Variants in SPDL1 observed in about 807,000 individuals in gnomAD.
SPDL1 encodes the protein protein Spindly.
Under a neutral mutation model 79.5 loss-of-function variants are expected in SPDL1, and 85 were observed. That is an observed-to-expected ratio of 1.07 (90% confidence interval 0.90 to 1.28). SPDL1 has a LOEUF of 1.28. SPDL1 is among the 50% of genes most tolerant of loss of function. The pLI, the probability that SPDL1 is intolerant of heterozygous loss-of-function variation, is 0.00. For synonymous variants in SPDL1, 269 were observed against 240.3 expected (o/e 1.12, Z -1.10); for missense variants, 703 against 697.8 (o/e 1.01, Z -0.08).
intron 11 of SPDL1, among the ~76,000 whole-genome samples, 178 bp from the exon 12 acceptor site, chr5:169,603,882 A>G (rs1756056942): frequency 6.6e-6 from 1 of 152,178 alleles, no homozygotes; most frequent in African/African-American, 2.4e-5. Context: ...AATTGAGCCT[A>G]TTGATATAAA....
intron 1 of SPDL1, among the ~76,000 whole-genome samples, chr5:169,585,069 A>G (rs981374048): frequency 3.3e-5 from 5 of 152,006 alleles, no homozygotes; most frequent in Admixed American, 3.3e-4. Flanking sequence ...TCTGTCACAC[A>G]TTAGTAGTTT....
intron 3 of SPDL1, 96 bp downstream of exon 3, chr5:169,591,320 G>A: frequency 1.6e-6 from 2 of 1,261,952 alleles, no homozygotes; most frequent in Non-Finnish European, 2.2e-6. Flanking sequence ...TGTCAGCTTT[G>A]CAAAATAGCC....
chr5:169,601,070 A>T (rs567119912), intron 10 of SPDL1, among the ~76,000 whole-genome samples: 2 of 152,348 alleles, frequency 1.3e-5, no homozygotes, highest in East Asian at 1.9e-4. Flanking sequence ...AAGGAAAAAT[A>T]TATAGCCAAA....
Position 169,588,558 on chromosome 5 carries a change from A to G in SPDL1, c.142A>G (p.Met48Val), listed in dbSNP as rs892398072. ...TCAATTGGATAAATGTCGTAATGAA[A>G]TGATGACCATGACTGAGGTAGGACT... Reference protein sequence around the residue: ...QNQLDKCRNEMMTMTESYEQE... With the variant: ...QNQLDKCRNEVMTMTESYEQE... Residue 48 changes from methionine (M) to valine (V), a missense_variant, in exon 2 of 12, where the codon ATG (methionine) becomes GTG (valine). Met to Val is a conservative substitution (Grantham distance 21, BLOSUM62 1). Coordinates refer to ENST00000265295, the MANE Select transcript of SPDL1 (RefSeq NM_017785.5). 7 of 1,612,638 alleles carry G rather than the reference A, an allele frequency of 4.3e-6. No homozygotes were observed. Among genetic ancestry groups the G allele is most frequent in the Non-Finnish European group, 5.9e-6 (7 of 1,179,388 alleles).
At position 169,588,476 on chromosome 5, in the gene SPDL1, A is replaced by G. The variant is rs1755100843; in HGVS notation, c.60A>G (p.Arg20=). Residue 20 remains arginine (R), a synonymous_variant, in exon 2 of 12, where the codon CGA becomes CGG. Coordinates refer to ENST00000265295, the MANE Select transcript of SPDL1 (RefSeq NM_017785.5). ...GGCTCAAAGAGGCTGAAGAAGAGCG[A>G]CTAAAAGCTGCACAGTATGGTTTAC... ...RCRLKEAEEE[R]LKAAQYGLQL... is the part of the protein sequence containing the mutation. 1.9e-6 allele frequency: 3 copies of G among 1,614,002 alleles called. No individual in the cohort carries two copies. The East Asian group carries it at 6.7e-5, about 36-fold the overall frequency.
At chr5:169,593,275 GGTTCAATCA>G (rs1386963677) in intron 3 of SPDL1, 70 bp from the exon 4 acceptor site, 21 of 1,260,744 alleles carry the variant, frequency 1.7e-5, no homozygotes, top group East Asian at 1.5e-4. Flanking sequence ...CAGTAAGTTT[GGTTCAATCA>G]GTTCAATCAG....
In SPDL1 at chr5:169,598,576, TAAAG is replaced by T. The variant is rs769380781; in HGVS notation, c.1134_1136+1del. ...TTACTTCAGATGAAGCTGGATAACT[TAAAG>T]TAAGTGTCTGGGTTGGTGGATGGAA... On this transcript the variant is annotated splice_donor_variant and coding_sequence_variant, in exon 9 of 12. Transcript: ENST00000265295. LOFTEE classifies it high-confidence loss of function. 3 of 1,603,214 alleles carry T rather than the reference TAAAG, an allele frequency of 1.9e-6. No individual in the cohort carries two copies. The highest frequency in any genetic ancestry group is 2.2e-5 in the South Asian group (2 of 90,838).
Position 169,591,141 on chromosome 5 carries a change from C to T in SPDL1, c.253C>T (p.Gln85Ter), listed in dbSNP as rs1370423170. The change falls in exon 3 of 12, where the codon CAA becomes TAA. Residue 85 changes from glutamine to a stop codon, truncating the protein, a stop_gained. Coordinates refer to ENST00000265295, the MANE Select transcript of SPDL1 (RefSeq NM_017785.5). LOFTEE classifies it high-confidence loss of function. Reference sequence around the variant, plus strand: ...GAGCTGCGAATGTGAAGCTATTAAACAACAACAAAAAATGCACCTGGAGAA... The same window carrying T: ...GAGCTGCGAATGTGAAGCTATTAAATAACAACAAAAAATGCACCTGGAGAA... ...SLSCECEAIK[Q>*]QQKMHLEKLE... 1.2e-6 allele frequency: 2 copies of T among 1,613,800 alleles called. No individual in the cohort carries two copies. Among genetic ancestry groups the T allele is most frequent in the Non-Finnish European group, 1.7e-6 (2 of 1,179,924 alleles).
chr5:169,593,420 G>A lies in SPDL1; in HGVS notation c.403G>A (p.Asp135Asn). The A allele has an allele frequency of 6.2e-7, 1 of 1,613,996 alleles. No homozygotes were observed. The change falls in exon 4 of 12, where the codon GAT becomes AAT. Residue 135 changes from aspartate to asparagine, a missense_variant. Coordinates refer to ENST00000265295, the MANE Select transcript of SPDL1 (RefSeq NM_017785.5). ...TGAAAAGCAGCTGAAGCACCAAGTA[G>A]ATCATCAGAAGGAACTCCTCTCTTG... ...LSEKQLKHQV[D>N]HQKELLSCKS...
intron 8 of SPDL1, 57 bp from the exon 9 acceptor site, chr5:169,598,419 A>T: frequency 7.2e-6 from 8 of 1,118,302 alleles, no homozygotes; most frequent in Non-Finnish European, 1.1e-5. Context: ...ATTAATAAAC[A>T]TACACTAACC....
intron 1 of SPDL1, chr5:169,587,062 C>G (rs1755022744): frequency 6.6e-6 from 1 of 152,296 alleles, no homozygotes; most frequent in Non-Finnish European, 1.5e-5. Flanking sequence ...GGCTGATTCT[C>G]TCATCTTCTG....
At chr5:169,594,537 T>C (rs765695281) in intron 6 of SPDL1, 34 bp from the exon 7 acceptor site, 1 of 1,611,472 alleles carries the variant, frequency 6.2e-7, no homozygotes, top group Admixed American at 1.7e-5. Context: ...TTTCATTTAC[T>C]ACCAGAACAA....
intron 1 of SPDL1, among the ~76,000 whole-genome samples, chr5:169,586,707 A>G (rs1436798464): frequency 6.6e-6 from 1 of 152,148 alleles, no homozygotes; most frequent in Non-Finnish European, 1.5e-5. Flanking sequence ...CTTTCAGAAA[A>G]TCATATTGAC....
intron 10 of SPDL1, 96 bp downstream of exon 10, chr5:169,599,255 C>A: frequency 2.9e-6 from 3 of 1,047,042 alleles, no homozygotes; most frequent in Admixed American, 6.5e-5. Flanking sequence ...AACTCTATTA[C>A]AAACTCATTT....
chr5:169,595,601 ATTTCTAAGGG>A (rs1755545491), intron 7 of SPDL1: 1 of 152,156 alleles, frequency 6.6e-6, no homozygotes, highest in Non-Finnish European at 1.5e-5. Flanking sequence ...TGTGAATTTT[ATTTCTAAGGG>A]TTTCCAGACT....
chr5:169,603,949 T>G (rs1263799599), intron 11 of SPDL1, 111 bp from the exon 12 acceptor site: 3 of 1,222,802 alleles, frequency 2.5e-6, no homozygotes, highest in African/African-American at 3.1e-5. Context: ...TCAACTATAT[T>G]TTTTTTCCTT....
chr5:169,593,023 C>G (rs1755380522), intron 3 of SPDL1, among the ~76,000 whole-genome samples: 1 of 152,068 alleles, frequency 6.6e-6, no homozygotes, highest in South Asian at 2.1e-4. Flanking sequence ...CATCTCTTTC[C>G]TGGACTACTG....
At chr5:169,594,043 A>T in intron 4 of SPDL1, 102 bp from the exon 5 acceptor site, 2 of 929,764 alleles carry the variant, frequency 2.2e-6, no homozygotes, top group Non-Finnish European at 3.2e-6. Flanking sequence ...CTGGTTCTTT[A>T]GTTTTAATTT....
rs754448485 is a variant in SPDL1 at position 169,601,474 on chromosome 5, A to T, written c.1519A>T (p.Ile507Leu). ...NNLQLEKSVSIYTPVVSLSPH... is the reference protein window; with the variant it reads ...NNLQLEKSVSLYTPVVSLSPH... ...CTTGCAATTAGAAAAATCAGTTTCT[A>T]TATACACACCAGTAGTCAGTCTCTC... The change falls in exon 11 of 12, where the codon ATA becomes TTA. Residue 507 changes from isoleucine to leucine, a missense_variant. Coordinates refer to ENST00000265295, the MANE Select transcript of SPDL1 (RefSeq NM_017785.5). 6.2e-7 allele frequency: 1 copy of T among 1,613,712 alleles called. No homozygotes were observed. Among genetic ancestry groups the T allele is most frequent in the Non-Finnish European group, 8.5e-7 (1 of 1,179,800 alleles).
Sources: allele counts gnomAD v4.1 joint callset (sites outside exome capture counted in the v4.1 genomes callset), GRCh38; gene constraint gnomAD v4.1.1; transcripts MANE v1.5; gene names NCBI Gene and HGNC (gene_info 2026-07-23, HGNC 2026-07-21).